Variants in DLGAP2 observed in about 807,000 individuals in gnomAD.
The protein encoded by DLGAP2 is disks large-associated protein 2.
DLGAP2 carries 26 observed loss-of-function variants against 100.3 expected under a neutral mutation model. That is an observed-to-expected ratio of 0.26 (90% CI 0.19 to 0.36). DLGAP2 has a LOEUF of 0.36. DLGAP2 is among the 10% of genes least tolerant of loss of function. The pLI is 1.00. For synonymous variants in DLGAP2, 886 were observed against 630.1 expected (o/e 1.41, Z -6.08); for missense variants, 1,858 against 1,453.2 (o/e 1.28, Z -4.53).
intron 4 of DLGAP2, among the ~76,000 whole-genome samples, chr8:1,516,679 A>T (rs1476192365): frequency 6.8e-6 from 1 of 147,944 alleles, no homozygotes; most frequent in African/African-American, 2.5e-5. Context: ...GACTGAGTGA[A>T]AGAGTGAGTG....
At chr8:868,866 AGTG>A (rs780597310) in intron 1 of DLGAP2, among the ~76,000 whole-genome samples, 1 of 152,214 alleles carries the variant, frequency 6.6e-6, no homozygotes, top group Non-Finnish European at 1.5e-5. Context: ...GTGAGGGTGA[AGTG>A]GGGGCCGCGC....
chr8:1,539,092 G>C (rs1801261952), intron 4 of DLGAP2, among the ~76,000 whole-genome samples: 1 of 152,002 alleles, frequency 6.6e-6, no homozygotes. Flanking sequence ...CACCGTGTTG[G>C]CCAGGCTGAT....
At chr8:1,219,095 A>G (rs921951651) in intron 2 of DLGAP2, among the ~76,000 whole-genome samples, 4 of 152,162 alleles carry the variant, frequency 2.6e-5, no homozygotes, top group Admixed American at 6.5e-5. Flanking sequence ...TTCTCTTTCT[A>G]TCTGAATGCT....
At chr8:1,181,337 C>G (rs1028956302) in intron 2 of DLGAP2, among the ~76,000 whole-genome samples, 3 of 152,210 alleles carry the variant, frequency 2.0e-5, no homozygotes, top group Non-Finnish European at 4.4e-5. Context: ...CTTGAGTGCA[C>G]TGTTTGATCT....
chr8:1,587,796 G>T (rs2130660662), intron 6 of DLGAP2, among the ~76,000 whole-genome samples: 1 of 152,102 alleles, frequency 6.6e-6, no homozygotes, highest in South Asian at 2.1e-4. Context: ...CCTGCTTTTG[G>T]TAGGGAGTTC....
intron 3 of DLGAP2, among the ~76,000 whole-genome samples, chr8:1,317,228 C>G (rs1421349417): frequency 1.5e-5 from 2 of 134,914 alleles, no homozygotes; most frequent in Non-Finnish European, 3.1e-5. Flanking sequence ...AGACACTCGG[C>G]AGCGTTTAAA....
intron 1 of DLGAP2, among the ~76,000 whole-genome samples, chr8:818,262 G>C (rs1376494287): frequency 6.6e-6 from 1 of 152,136 alleles, no homozygotes; most frequent in Non-Finnish European, 1.5e-5. Flanking sequence ...GAGTCACACA[G>C]GTCGCTAGGG....
intron 8 of DLGAP2, among the ~76,000 whole-genome samples, chr8:1,656,820 T>A (rs1798295970): frequency 6.6e-6 from 1 of 152,164 alleles, no homozygotes; most frequent in Non-Finnish European, 1.5e-5. Flanking sequence ...GGCCTCAGAG[T>A]ACTCAAGAGG....
chr8:1,414,839 T>G (rs1191577216), intron 3 of DLGAP2, among the ~76,000 whole-genome samples: 1 of 152,128 alleles, frequency 6.6e-6, no homozygotes, highest in Non-Finnish European at 1.5e-5. Flanking sequence ...CAAAACCCCA[T>G]GTCTACTAAA....
chr8:818,760 A>T lies in DLGAP2; in HGVS notation c.18+80935A>T, dbSNP rs1279132588. 3.3e-5 allele frequency among the ~76,000 whole-genome samples: 5 copies of T among 152,364 alleles called. No homozygotes were observed. In the East Asian group the frequency reaches 7.7e-4, roughly 23 times the overall value. ...ATAAAGAGAAAATTCAAGAGTATACAGTTAGTGAAAAATGTTATAGAATCA... is the reference window on the plus strand; with the variant it reads ...ATAAAGAGAAAATTCAAGAGTATACTGTTAGTGAAAAATGTTATAGAATCA... On this transcript the variant is annotated intron_variant, in intron 1 of 14. Coordinates refer to ENST00000637795, the MANE Select transcript of DLGAP2 (RefSeq NM_001346810.2).
chr8:1,011,788 G>A (rs1397684407), intron 2 of DLGAP2, among the ~76,000 whole-genome samples: 1 of 152,188 alleles, frequency 6.6e-6, no homozygotes, highest in African/African-American at 2.4e-5. Context: ...AGTCTACACA[G>A]TGGGCCCTGG....
intron 3 of DLGAP2, among the ~76,000 whole-genome samples, chr8:1,418,872 G>C (rs1033099573): frequency 1.3e-5 from 2 of 152,232 alleles, no homozygotes; most frequent in Non-Finnish European, 2.9e-5. Flanking sequence ...CCGCTGGCTA[G>C]AGATCATGGG....
At chr8:902,585 G>A (rs1021470230) in intron 1 of DLGAP2, among the ~76,000 whole-genome samples, 12 of 93,716 alleles carry the variant, frequency 1.3e-4, no homozygotes, top group African/African-American at 4.5e-4. Context: ...TGGGAAGGAA[G>A]AAGAGGGCTG....
intron 3 of DLGAP2, among the ~76,000 whole-genome samples, chr8:1,378,639 T>A (rs924075876): frequency 4.6e-5 from 7 of 152,230 alleles, no homozygotes; most frequent in African/African-American, 1.7e-4. Context: ...ACACCTGGCC[T>A]CATCTGTCCG....
rs372476411 is a variant in DLGAP2 at position 1,505,869 on chromosome 8, A to T, written c.172+4438A>T. Among the ~76,000 whole-genome samples the T allele has an allele frequency of 7.2e-5, 11 of 152,150 alleles. No individual in the cohort carries two copies. The East Asian group carries it at 1.4e-3, about 19-fold the overall frequency. The stretch of plus-strand genomic sequence containing the variant: ...ATCAGCTGTAAAGAGTTGGTGATTT[A>T]TTTGCATCTATGAAGAGTGCTATAT... On this transcript the variant is annotated intron_variant, in intron 4 of 14. Transcript: ENST00000637795.
rs1798832858 is a variant in DLGAP2, at chr8:927,103, A to G, written c.73+19137A>G. The G allele has an allele frequency of 3.0e-6, 3 of 985,438 alleles. No individual in the cohort carries two copies. The South Asian group carries it at 1.4e-4, about 46-fold the overall frequency. The allele number at this position is 985,438 out of a possible 1,614,324, so 61.0% of individuals were successfully genotyped here. ...GGAGGGCCCCAGTGGCCGGGATGGT[A>G]AAAGACTTCGGAGCAAACTAATCGA... On this transcript the variant is annotated intron_variant, in intron 2 of 14. Coordinates refer to ENST00000637795, the MANE Select transcript of DLGAP2 (RefSeq NM_001346810.2).
At chr8:1,390,372 T>G (rs1240117721) in intron 3 of DLGAP2, among the ~76,000 whole-genome samples, 1 of 152,214 alleles carries the variant, frequency 6.6e-6, no homozygotes, top group Non-Finnish European at 1.5e-5. Context: ...ATAATACTTT[T>G]TTTTTCATTT....
chr8:1,660,044 A>G lies in DLGAP2; in HGVS notation c.1811-8285A>G, dbSNP rs192827956. On this transcript the variant is annotated intron_variant, in intron 8 of 14. Transcript: ENST00000637795. Reference sequence around the variant, plus strand: ...CTCTTATAAGGCAGGCCTGGTGGTGACAAAAAGCTCTCAGCATCTGCTTGT... The same window carrying G: ...CTCTTATAAGGCAGGCCTGGTGGTGGCAAAAAGCTCTCAGCATCTGCTTGT... 1.8e-3 allele frequency among the ~76,000 whole-genome samples: 270 copies of G among 152,304 alleles called. 2 individuals carry two copies. Among genetic ancestry groups the G allele is most frequent in the Admixed American group, 4.5e-3 (69 of 15,302 alleles).
chr8:1,255,034 GCCCAGCCGCT>G, intron 2 of DLGAP2, among the ~76,000 whole-genome samples: 1 of 69,188 alleles, frequency 1.4e-5, no homozygotes, highest in Non-Finnish European at 3.2e-5. Flanking sequence ...GTCTTCTCCT[GCCCAGCCGCT>G]GTGTGTGTGT....
Sources: allele counts gnomAD v4.1 joint callset (sites outside exome capture counted in the v4.1 genomes callset), GRCh38; gene constraint gnomAD v4.1.1; transcripts MANE v1.5; gene names NCBI Gene and HGNC (gene_info 2026-07-23, HGNC 2026-07-21).